FRMD4A: variants seen among roughly 807,000 people sequenced by gnomAD.
FRMD4A encodes the protein FERM domain containing 4A.
A neutral mutation model predicts 129.1 loss-of-function variants in FRMD4A; 29 were observed. That is an observed-to-expected ratio of 0.22 (90% CI 0.17 to 0.31). The LOEUF (loss-of-function observed/expected upper bound fraction) is 0.31. FRMD4A is among the 10% of genes least tolerant of loss of function. The probability of loss-of-function intolerance (pLI) is 1.00; values close to 1 mark genes in which losing one functional copy is unlikely to be tolerated. For synonymous variants in FRMD4A, 634 were observed against 571.6 expected, an observed-to-expected ratio of 1.11 and a Z score of -1.56; for missense variants, 1,272 against 1,375.8, an observed-to-expected ratio of 0.92 and a Z score of 1.19.
At chr10:14,256,517 T>A (rs1380772603) in intron 2 of FRMD4A, among the ~76,000 whole-genome samples, 4 of 152,212 alleles carry the variant, frequency 2.6e-5, no homozygotes, top group African/African-American at 9.6e-5. Flanking sequence ...GCAATTATAA[T>A]GTTATAAAGA....
chr10:13,715,866 C>T (rs1360365369), intron 12 of FRMD4A, among the ~76,000 whole-genome samples: 1 of 147,368 alleles, frequency 6.8e-6, no homozygotes, highest in Admixed American at 6.9e-5. Context: ...AGACGTGTCA[C>T]TGCCCTCTGG....
At chr10:14,023,028 C>T (rs929560014) in intron 2 of FRMD4A, among the ~76,000 whole-genome samples, 72 of 152,296 alleles carry the variant, frequency 4.7e-4, no homozygotes, top group African/African-American at 1.7e-3. Flanking sequence ...CCACCATCCC[C>T]ACCATCCCAG....
At chr10:13,867,294 C>T (rs1026599070) in intron 2 of FRMD4A, among the ~76,000 whole-genome samples, 3 of 152,020 alleles carry the variant, frequency 2.0e-5, no homozygotes, top group Non-Finnish European at 4.4e-5. Flanking sequence ...GGTCTCACTC[C>T]GTGGTCCCAG....
At chr10:13,902,858 C>A (rs184824415) in intron 2 of FRMD4A, among the ~76,000 whole-genome samples, 142 of 140,234 alleles carry the variant, frequency 1.0e-3, no homozygotes, top group African/African-American at 2.6e-3. Context: ...AAAAAAAAAA[C>A]AACAACAAAC....
At chr10:13,708,256 C>T (rs1327789581) in intron 12 of FRMD4A, among the ~76,000 whole-genome samples, 1 of 152,208 alleles carries the variant, frequency 6.6e-6, no homozygotes, top group Non-Finnish European at 1.5e-5. Context: ...CTCTGACCTG[C>T]TCATGTTCTG....
intron 2 of FRMD4A, among the ~76,000 whole-genome samples, chr10:13,932,331 C>T (rs1233688822): frequency 6.6e-6 from 1 of 152,170 alleles, no homozygotes; most frequent in African/African-American, 2.4e-5. Flanking sequence ...TGTGGCTTTT[C>T]TTCTTCCAGC....
chr10:13,650,663 T>TAAGTC (rs2081500644), intron 24 of FRMD4A, among the ~76,000 whole-genome samples: 1 of 152,186 alleles, frequency 6.6e-6, no homozygotes, highest in Non-Finnish European at 1.5e-5. Flanking sequence ...TTCCAAAGCC[T>TAAGTC]AAGTCCCTGT....
At chr10:14,268,307 C>T (rs192033406) in intron 2 of FRMD4A, among the ~76,000 whole-genome samples, 19 of 152,328 alleles carry the variant, frequency 1.2e-4, no homozygotes, top group Non-Finnish European at 2.1e-4. Flanking sequence ...GGCAGTCTCT[C>T]TCAACATGAT....
At chr10:13,797,962 C>T (rs2093159300) in intron 4 of FRMD4A, among the ~76,000 whole-genome samples, 1 of 151,954 alleles carries the variant, frequency 6.6e-6, no homozygotes, top group Non-Finnish European at 1.5e-5. Context: ...ATACCTGTGG[C>T]TATACGGAAG....
At chr10:13,761,388 C>T (rs1374635939) in intron 8 of FRMD4A, among the ~76,000 whole-genome samples, 1 of 152,214 alleles carries the variant, frequency 6.6e-6, no homozygotes, top group African/African-American at 2.4e-5. Context: ...GGACAATGGG[C>T]ATGTGTGACG....
chr10:13,962,226 G>A (rs1322609758), intron 2 of FRMD4A, among the ~76,000 whole-genome samples: 1 of 152,178 alleles, frequency 6.6e-6, no homozygotes, highest in Non-Finnish European at 1.5e-5. Flanking sequence ...CAGAACAAAT[G>A]TCTAAAGTGT....
intron 2 of FRMD4A, among the ~76,000 whole-genome samples, chr10:13,878,696 T>C (rs1302588355): frequency 6.6e-6 from 1 of 150,618 alleles, no homozygotes; most frequent in Non-Finnish European, 1.5e-5. Context: ...GAGGTTGCAG[T>C]GAGCCGAGAT....
chr10:13,768,857 T>C (rs999984088), intron 6 of FRMD4A, among the ~76,000 whole-genome samples: 2 of 152,164 alleles, frequency 1.3e-5, no homozygotes. Flanking sequence ...CTTGGAAATA[T>C]AAAACACACT....
intron 2 of FRMD4A, among the ~76,000 whole-genome samples, chr10:13,911,837 G>C (rs543496286): frequency 5.6e-4 from 86 of 152,266 alleles, no homozygotes; most frequent in African/African-American, 1.2e-3. Flanking sequence ...GCTAGGATTA[G>C]AGGTATGAGC....
intron 4 of FRMD4A, among the ~76,000 whole-genome samples, chr10:13,797,670 T>A (rs1184084708): frequency 6.6e-6 from 1 of 152,120 alleles, no homozygotes; most frequent in East Asian, 1.9e-4. Context: ...AGTCCTATAA[T>A]CACTTTATGG....
intron 14 of FRMD4A, 119 bp from the exon 15 acceptor site, chr10:13,694,158 C>G (rs747505581): frequency 6.5e-5 from 47 of 727,234 alleles, no homozygotes; most frequent in Non-Finnish European, 9.2e-5. Context: ...ATCTCCCTGA[C>G]TAATGTGCAG....
intron 2 of FRMD4A, among the ~76,000 whole-genome samples, chr10:14,192,978 G>A (rs1376203687): frequency 6.6e-6 from 1 of 152,196 alleles, no homozygotes; most frequent in African/African-American, 2.4e-5. Context: ...GAAATAAAGA[G>A]TAACAGCGTG....
intron 11 of FRMD4A, among the ~76,000 whole-genome samples, chr10:13,738,671 A>T (rs1312590178): frequency 6.6e-6 from 1 of 152,064 alleles, no homozygotes; most frequent in Non-Finnish European, 1.5e-5. Context: ...CCCAGGCTGG[A>T]GTGCATTGGC....
In FRMD4A at chr10:13,657,409, C is replaced by A. The variant is rs561372148; in HGVS notation, c.2180G>T (p.Ser727Ile). ...KLLGSENDTG[S>I]PDFYTPRTRS... is the part of the protein sequence containing the mutation. Reference sequence around the variant, plus strand: ...AGTCCGCGGGGTGTAGAAGTCGGGGCTCCCGGTGTCGTTTTCCGAGCCCAG... The same window carrying A: ...AGTCCGCGGGGTGTAGAAGTCGGGGATCCCGGTGTCGTTTTCCGAGCCCAG... Residue 727 changes from serine to isoleucine, a missense_variant, in exon 22 of 25, where the codon AGC becomes ATC. Transcript: ENST00000357447. 10 of 1,606,642 alleles carry A rather than the reference C, an allele frequency of 6.2e-6. No homozygotes were observed. The highest frequency in any genetic ancestry group is 2.2e-5 in the East Asian group (1 of 44,452).
Sources: allele counts gnomAD v4.1 joint callset (sites outside exome capture counted in the v4.1 genomes callset), GRCh38; gene constraint gnomAD v4.1.1; transcripts MANE v1.5; gene names NCBI Gene and HGNC (gene_info 2026-07-23, HGNC 2026-07-21).